Variants in PDE10A observed in about 807,000 individuals in gnomAD.
PDE10A encodes the protein cAMP and cAMP-inhibited cGMP 3',5'-cyclic phosphodiesterase 10A.
Under a neutral mutation model 97.7 loss-of-function variants are expected in PDE10A, and 39 were observed. The ratio of observed to expected loss-of-function variants is 0.40; its 90% CI spans 0.31 to 0.52. PDE10A has a LOEUF of 0.52. Ranked by LOEUF, PDE10A falls within the 20% of genes least tolerant of loss-of-function variation. The pLI is 0.56. For missense variants in PDE10A, 731 were observed against 1,047.8 expected (o/e 0.70, Z 4.17); for synonymous variants, 371 against 376.8 (o/e 0.98, Z 0.18).
chr6:165,816,500 T>C (rs1395731990), intron 1 of PDE10A, among the ~76,000 whole-genome samples: 5 of 152,134 alleles, frequency 3.3e-5, no homozygotes, highest in African/African-American at 1.2e-4. Context: ...TGGGTTTGCT[T>C]GGGTTTGAAA....
chr6:165,563,934 T>C (rs552187120), intron 1 of PDE10A, among the ~76,000 whole-genome samples: 3 of 149,982 alleles, frequency 2.0e-5, no homozygotes, highest in East Asian at 2.0e-4. Flanking sequence ...AATGAAAACA[T>C]ACATGTACCT....
intron 6 of PDE10A, among the ~76,000 whole-genome samples, chr6:165,434,925 T>A (rs1160619971): frequency 6.6e-6 from 1 of 152,210 alleles, no homozygotes; most frequent in Non-Finnish European, 1.5e-5. Flanking sequence ...CTCATTCATA[T>A]GCATCCCAGC....
intron 18 of PDE10A, among the ~76,000 whole-genome samples, chr6:165,369,591 T>A (rs1485829716): frequency 6.8e-6 from 1 of 146,188 alleles, no homozygotes; most frequent in Non-Finnish European, 1.5e-5. Context: ...AAAGACCAAA[T>A]CTATGTCTGA....
At chr6:165,347,013 T>G (rs1002494201) in intron 18 of PDE10A, among the ~76,000 whole-genome samples, 15 of 152,270 alleles carry the variant, frequency 9.9e-5, no homozygotes, top group Admixed American at 2.0e-4. Flanking sequence ...TTTTAATTAT[T>G]TTACTTTAAA....
Position 165,388,981 on chromosome 6 carries a change from G to T in PDE10A, c.2455-528C>A, listed in dbSNP as rs1312007801. On this transcript the variant is annotated intron_variant, in intron 16 of 21. Coordinates refer to ENST00000539869, the MANE Select transcript of PDE10A (RefSeq NM_001385079.1). The surrounding 1 kb of genome is among the most constrained non-coding windows in gnomAD (Gnocchi z 4.0). ...GTCAGGCTGAGTATGAAATAAACTA[G>T]GCAGGCACACCTCATGAAAAGGCCA... is the stretch of plus-strand genomic sequence containing the variant. Among the ~76,000 whole-genome samples the T allele has an allele frequency of 6.6e-6, 1 of 152,184 alleles. No individual in the cohort carries two copies. Among genetic ancestry groups the T allele is most frequent in the Non-Finnish European group, 1.5e-5 (1 of 68,036 alleles).
chr6:165,543,316 G>C (rs1783561509), intron 2 of PDE10A, 124 bp downstream of exon 2: 1 of 618,166 alleles, frequency 1.6e-6, no homozygotes, highest in Non-Finnish European at 2.5e-6. Context: ...GAATAACTCT[G>C]ATAGAATTAC....
chr6:165,471,504 T>C (rs1429831697), intron 3 of PDE10A, among the ~76,000 whole-genome samples: 1 of 152,158 alleles, frequency 6.6e-6, no homozygotes, highest in Non-Finnish European at 1.5e-5. Context: ...GGAAATCTAT[T>C]AGGCATCTCC....
At chr6:165,628,639 T>A (rs1276355248) in intron 1 of PDE10A, among the ~76,000 whole-genome samples, 1 of 152,156 alleles carries the variant, frequency 6.6e-6, no homozygotes, top group African/African-American at 2.4e-5. Flanking sequence ...CCACTGCACA[T>A]GGCCCTGTTA....
chr6:165,481,720 GT>G (rs1201575387), intron 3 of PDE10A, among the ~76,000 whole-genome samples: 2 of 132,188 alleles, frequency 1.5e-5, no homozygotes, highest in Non-Finnish European at 3.2e-5. Context: ...ACCTGCCATA[GT>G]TTTTAAGCTT....
intron 1 of PDE10A, among the ~76,000 whole-genome samples, chr6:165,761,379 T>G (rs1793246477): frequency 6.6e-6 from 1 of 152,242 alleles, no homozygotes; most frequent in African/African-American, 2.4e-5. Context: ...TGAAAGTGAC[T>G]AAGTCCATGC....
intron 17 of PDE10A, among the ~76,000 whole-genome samples, chr6:165,379,603 A>G (rs978648360): frequency 6.6e-6 from 1 of 152,232 alleles, no homozygotes; most frequent in Admixed American, 6.5e-5. Context: ...TATTGCAACT[A>G]TAATAACATC....
intron 1 of PDE10A, among the ~76,000 whole-genome samples, chr6:165,633,124 T>G (rs1047384662): frequency 2.6e-5 from 4 of 152,110 alleles, no homozygotes; most frequent in African/African-American, 9.6e-5. Context: ...AAACAGCTTT[T>G]GATCTTGGTC....
chr6:165,361,566 A>G (rs1289725095), intron 18 of PDE10A, among the ~76,000 whole-genome samples: 1 of 152,184 alleles, frequency 6.6e-6, no homozygotes, highest in Non-Finnish European at 1.5e-5. Context: ...GAAATATTGG[A>G]AAAGTGTGGG....
At chr6:165,712,470 C>T (rs1048677501) in intron 1 of PDE10A, among the ~76,000 whole-genome samples, 31 of 152,130 alleles carry the variant, frequency 2.0e-4, no homozygotes, top group East Asian at 9.6e-4. Flanking sequence ...TCAGCTCTAA[C>T]TGCTGGGCCC....
chr6:165,728,925 G>C (rs1307825029), intron 1 of PDE10A, among the ~76,000 whole-genome samples: 1 of 152,176 alleles, frequency 6.6e-6, no homozygotes, highest in Non-Finnish European at 1.5e-5. Flanking sequence ...AAGAGGAAAA[G>C]TTGTCACTTA....
At chr6:165,683,834 ACT>A (rs1190841998) in intron 1 of PDE10A, among the ~76,000 whole-genome samples, 3 of 151,816 alleles carry the variant, frequency 2.0e-5, no homozygotes, top group Non-Finnish European at 4.4e-5. Flanking sequence ...TCTGTTGCTT[ACT>A]CTTTCCCACA....
intron 1 of PDE10A, among the ~76,000 whole-genome samples, chr6:165,867,230 G>GAAA (rs35066433): frequency 2.2e-5 from 3 of 137,302 alleles, no homozygotes; most frequent in South Asian, 4.5e-4. Flanking sequence ...AGACTGAATG[G>GAAA]AAAAAAAAAA....
At chr6:165,382,368 G>A (rs1784992364) in intron 17 of PDE10A, among the ~76,000 whole-genome samples, 1 of 152,118 alleles carries the variant, frequency 6.6e-6, no homozygotes, top group African/African-American at 2.4e-5. Context: ...ATGCAACTAA[G>A]CGCATCAAAC....
chr6:165,722,664 C>G (rs1214313495), intron 1 of PDE10A, among the ~76,000 whole-genome samples: 1 of 152,030 alleles, frequency 6.6e-6, no homozygotes, highest in East Asian at 1.9e-4. Flanking sequence ...GTAACTGAAA[C>G]CATGGAAAGT....
Sources: allele counts gnomAD v4.1 joint callset (sites outside exome capture counted in the v4.1 genomes callset), GRCh38; gene constraint gnomAD v4.1.1; non-coding constraint Gnocchi (gnomAD v3.1); transcripts MANE v1.5; gene names NCBI Gene and HGNC (gene_info 2026-07-23, HGNC 2026-07-21).